The following SCN8A variants were observed in gnomAD, a reference collection of about 807,000 sequenced individuals.
SCN8A encodes the protein sodium channel protein type 8 subunit alpha.
In SCN8A, 30 loss-of-function variants were observed where a neutral mutation model predicts 184.1. The observed-to-expected ratio is 0.16, with a 90% confidence interval of 0.12 to 0.22. The LOEUF (loss-of-function observed/expected upper bound fraction) is 0.22. SCN8A is among the 10% of genes least tolerant of loss of function. The pLI is 1.00. For synonymous variants in SCN8A, 852 were observed against 907.0 expected, an observed-to-expected ratio of 0.94 and a Z score of 1.09; for missense variants, 1,057 against 2,498.9, an observed-to-expected ratio of 0.42 and a Z score of 12.30.
intron 2 of SCN8A, among the ~76,000 whole-genome samples, chr12:51,666,075 A>C (rs186176956): frequency 2.4e-4 from 36 of 152,308 alleles, no homozygotes; most frequent in Non-Finnish European, 4.0e-4. Context: ...AAAGAAAAAA[A>C]GAAAGAAATG....
At chr12:51,776,644 C>T (rs1464802524) in intron 20 of SCN8A, among the ~76,000 whole-genome samples, 1 of 152,204 alleles carries the variant, frequency 6.6e-6, no homozygotes, top group African/African-American at 2.4e-5. Flanking sequence ...TGGCTCCAAT[C>T]GCTGCCGCTT....
At chr12:51,722,610 C>G (rs1659520663) in intron 12 of SCN8A, 1 of 151,892 alleles carries the variant, frequency 6.6e-6, no homozygotes, top group African/African-American at 2.4e-5. Flanking sequence ...GTTAAAGAGG[C>G]CAATAGGAAA....
chr12:51,679,721 C>CTTTTTTTTT (rs34564079), intron 2 of SCN8A, among the ~76,000 whole-genome samples: 1,696 of 85,360 alleles, frequency 0.02, 90 homozygotes, highest in East Asian at 0.037. Context: ...ACTATCTTGC[C>CTTTTTTTTT]TTTTTTTTTT....
intron 11 of SCN8A, chr12:51,712,490 C>T: frequency 1.3e-6 from 1 of 769,792 alleles, no homozygotes; most frequent in Non-Finnish European, 2.4e-6. Context: ...ATATCCACCA[C>T]TTCCACCACT....
chr12:51,807,523 T>C lies in SCN8A; in HGVS notation c.*94T>C. 1 of 1,297,442 alleles carries C rather than the reference T, an allele frequency of 7.7e-7. No homozygotes were observed. Among genetic ancestry groups the C allele is most frequent in the Non-Finnish European group, 1.1e-6 (1 of 921,304 alleles). 80.4% of individuals were successfully genotyped at this position (1,297,442 alleles called of 1,614,324 possible). ...GAATATTATCAATGCAGAACAGCTG[T>C]GGAGACTCTAACCTGAAGATCTATA... is the stretch of plus-strand genomic sequence containing the variant. On this transcript the variant is annotated 3_prime_UTR_variant, in exon 27 of 27. Transcript: ENST00000627620. The surrounding 1 kb of genome is among the most constrained non-coding windows in gnomAD (Gnocchi z 4.5).
intron 12 of SCN8A, among the ~76,000 whole-genome samples, chr12:51,733,951 C>A (rs1942282636): frequency 6.6e-6 from 1 of 151,822 alleles, no homozygotes; most frequent in Non-Finnish European, 1.5e-5. Flanking sequence ...TTATTTGGGT[C>A]TTCTCCCTTT....
intron 1 of SCN8A, among the ~76,000 whole-genome samples, chr12:51,616,080 A>G (rs1282041017): frequency 6.6e-6 from 1 of 152,020 alleles, no homozygotes; most frequent in Admixed American, 6.6e-5. Flanking sequence ...TGGGTATTAC[A>G]TTTACCTTGG....
intron 1 of SCN8A, among the ~76,000 whole-genome samples, chr12:51,596,796 T>C (rs1939358593): frequency 6.6e-6 from 1 of 152,234 alleles, no homozygotes; most frequent in Admixed American, 6.5e-5. Context: ...TGGTGTCTGC[T>C]TATCTTTCAT....
rs530315559 is a variant in SCN8A at position 51,806,143 on chromosome 12, G to C, written c.4796-139G>C. The stretch of plus-strand genomic sequence containing the variant: ...ATGCCCAGCCAAAATGTCACTTTTT[G>C]AGAGTTCAGACTGAATAGTAAGGCA... On this transcript the variant is annotated intron_variant, in intron 26 of 26. Coordinates refer to ENST00000627620, the MANE Select transcript of SCN8A (RefSeq NM_001330260.2). The surrounding 1 kb of genome is among the most constrained non-coding windows in gnomAD (Gnocchi z 8.7). 6 of 767,064 alleles carry C rather than the reference G, an allele frequency of 7.8e-6. No individual in the cohort carries two copies. The South Asian group carries it at 2.2e-4, about 28-fold the overall frequency. 47.5% of individuals were successfully genotyped at this position (767,064 alleles called of 1,614,324 possible).
intron 11 of SCN8A, chr12:51,712,775 CA>C: frequency 8.4e-7 from 1 of 1,186,760 alleles, no homozygotes; most frequent in Non-Finnish European, 1.2e-6. Context: ...GGACCACCAG[CA>C]TAGTTGCCAC....
At chr12:51,613,011 C>CTATA (rs1220132660) in intron 1 of SCN8A, among the ~76,000 whole-genome samples, 1 of 152,178 alleles carries the variant, frequency 6.6e-6, no homozygotes, top group East Asian at 1.9e-4. Context: ...TGTGAGCCAC[C>CTATA]ATACCCAGCC....
At chr12:51,645,741 A>C (rs1377368401) in intron 1 of SCN8A, among the ~76,000 whole-genome samples, 1 of 148,996 alleles carries the variant, frequency 6.7e-6, no homozygotes, top group African/African-American at 2.5e-5. Flanking sequence ...TGTTAAACAG[A>C]TGCTTGAAGG....
At chr12:51,618,835 G>A (rs1375518823) in intron 1 of SCN8A, among the ~76,000 whole-genome samples, 1 of 152,186 alleles carries the variant, frequency 6.6e-6, no homozygotes, top group African/African-American at 2.4e-5. Context: ...GAGACACCCT[G>A]AGGAATGACT....
intron 14 of SCN8A, among the ~76,000 whole-genome samples, chr12:51,761,974 T>G (rs895778519): frequency 1.3e-5 from 2 of 152,182 alleles, no homozygotes; most frequent in African/African-American, 4.8e-5. Flanking sequence ...AAATGATAGT[T>G]GTATGCAAGG....
chr12:51,792,560 A>G (rs1354009812), intron 25 of SCN8A, among the ~76,000 whole-genome samples: 1 of 151,272 alleles, frequency 6.6e-6, no homozygotes, highest in Non-Finnish European at 1.5e-5. Context: ...AGAATACACA[A>G]GACCCCAGAA....
intron 3 of SCN8A, among the ~76,000 whole-genome samples, chr12:51,685,979 A>G (rs1397060661): frequency 6.6e-6 from 1 of 152,250 alleles, no homozygotes; most frequent in African/African-American, 2.4e-5. Flanking sequence ...ACCTAGTCAT[A>G]TAGATTTAAT....
intron 14 of SCN8A, among the ~76,000 whole-genome samples, chr12:51,753,696 A>T (rs954361522): frequency 6.6e-6 from 1 of 152,246 alleles, no homozygotes; most frequent in Non-Finnish European, 1.5e-5. Flanking sequence ...AATGTTTCAC[A>T]TCTGTAAAGT....
chr12:51,775,924 G>A (rs1265711899), intron 20 of SCN8A, among the ~76,000 whole-genome samples: 1 of 152,154 alleles, frequency 6.6e-6, no homozygotes, highest in East Asian at 1.9e-4. Flanking sequence ...TGAGGATATT[G>A]ATCAGGTATC....
In SCN8A at chr12:51,650,591, C is replaced by T. The variant is rs370872504; in HGVS notation, c.-54-12173C>T. On this transcript the variant is annotated intron_variant, in intron 1 of 26. Transcript: ENST00000627620. ...GTGGTGTGATCTTGTTGGGAGCAGG[C>T]CCCCCAAAATCTGGCCATAAACTGG... 2.7e-5 allele frequency among the ~76,000 whole-genome samples: 4 copies of T among 150,718 alleles called. No individual in the cohort carries two copies. The South Asian group carries it at 6.3e-4, about 24-fold the overall frequency.
Sources: allele counts gnomAD v4.1 joint callset (sites outside exome capture counted in the v4.1 genomes callset), GRCh38; gene constraint gnomAD v4.1.1; non-coding constraint Gnocchi (gnomAD v3.1); transcripts MANE v1.5; gene names NCBI Gene and HGNC (gene_info 2026-07-23, HGNC 2026-07-21).